Variants in SEPTIN11 observed in about 807,000 individuals in gnomAD.
SEPTIN11 encodes septin 11.
In SEPTIN11, 25 loss-of-function variants were observed where a neutral mutation model predicts 51.4. The observed-to-expected ratio is 0.49, with a 90% confidence interval of 0.35 to 0.68. The LOEUF is 0.68. Ranked by LOEUF, SEPTIN11 falls within the 30% of genes least tolerant of loss-of-function variation. The pLI, the probability that SEPTIN11 is intolerant of heterozygous loss-of-function variation, is 0.00. For missense variants in SEPTIN11, 381 were observed against 520.8 expected (o/e 0.73, Z 2.61); for synonymous variants, 174 against 184.1 (o/e 0.95, Z 0.44).
At chr4:77,003,178 CTG>C (rs143144057) in intron 2 of SEPTIN11, among the ~76,000 whole-genome samples, 2 of 152,250 alleles carry the variant, frequency 1.3e-5, no homozygotes, top group South Asian at 2.1e-4. Flanking sequence ...AAGAGAAAAA[CTG>C]TGATTAGATA....
At chr4:77,039,394 T>G (rs751605371), downstream of SEPTIN11, 30 of 1,065,832 alleles carry the variant, frequency 2.8e-5, no homozygotes, top group Non-Finnish European at 3.2e-5. Context: ...GGGATCCCCT[T>G]GCTTAGAACT....
chr4:76,997,120 A>G (rs1049861437), intron 2 of SEPTIN11, among the ~76,000 whole-genome samples: 2 of 152,118 alleles, frequency 1.3e-5, no homozygotes, highest in Non-Finnish European at 1.5e-5. Context: ...TCAAAATATA[A>G]ATTTCCTGTT....
intron 2 of SEPTIN11, 62 bp downstream of exon 2, chr4:76,996,601 G>A: frequency 7.0e-6 from 8 of 1,140,154 alleles, no homozygotes; most frequent in Non-Finnish European, 9.3e-6. Flanking sequence ...GGTAACTGTC[G>A]GAGAGACATG....
At chr4:76,989,206 G>A (rs938162728) in intron 1 of SEPTIN11, among the ~76,000 whole-genome samples, 4 of 152,040 alleles carry the variant, frequency 2.6e-5, no homozygotes, top group Non-Finnish European at 4.4e-5. Context: ...AATCTGAGGC[G>A]TTGAGAAAAA....
chr4:76,989,173 A>C (rs1214064069), intron 1 of SEPTIN11, among the ~76,000 whole-genome samples: 1 of 152,220 alleles, frequency 6.6e-6, no homozygotes, highest in Non-Finnish European at 1.5e-5. Flanking sequence ...AGTGACTTGG[A>C]TCAGTATACT....
intron 3 of SEPTIN11, chr4:77,010,102 C>G (rs1428988843): frequency 1.3e-5 from 2 of 151,966 alleles, no homozygotes; most frequent in African/African-American, 4.8e-5. Context: ...ATGTGCCAGC[C>G]CTTTACATGT....
downstream of SEPTIN11, chr4:77,038,705 A>G (rs905284146): frequency 1.0e-5 from 10 of 966,650 alleles, no homozygotes; most frequent in Middle Eastern, 9.7e-4. Context: ...TAGGGATAAG[A>G]GTCTCATGCT....
intron 1 of SEPTIN11, among the ~76,000 whole-genome samples, chr4:76,992,082 G>A (rs1194808006): frequency 1.3e-5 from 2 of 152,192 alleles, no homozygotes; most frequent in African/African-American, 4.8e-5. Flanking sequence ...AATCAATTAA[G>A]GTCTTATAGT....
Position 77,020,683 on chromosome 4 carries a change from C to G in SEPTIN11, c.953+13C>G, listed in dbSNP as rs367551425. 6.2e-7 allele frequency: 1 copy of G among 1,611,698 alleles called. No individual in the cohort carries two copies. The highest frequency in any genetic ancestry group is 8.5e-7 in the Non-Finnish European group (1 of 1,178,540). ...GCAAACCCTTCAGGTATGAAGGCATCTAGCAATCAGGTGTCTCCCAGACAG... is the reference window on the plus strand; with the variant it reads ...GCAAACCCTTCAGGTATGAAGGCATGTAGCAATCAGGTGTCTCCCAGACAG... On this transcript the variant is annotated intron_variant, in intron 7 of 9. Transcript: ENST00000264893.
chr4:77,012,028 A>C, intron 4 of SEPTIN11, 107 bp downstream of exon 4: 2 of 932,524 alleles, frequency 2.1e-6, no homozygotes, highest in Non-Finnish European at 3.2e-6. Flanking sequence ...TTCCTGGATT[A>C]CAGGAACAGT....
intron 1 of SEPTIN11, among the ~76,000 whole-genome samples, chr4:76,961,715 A>G (rs777222422): frequency 2.0e-4 from 30 of 152,190 alleles, no homozygotes; most frequent in Non-Finnish European, 4.1e-4. Context: ...GAAAAATAGA[A>G]TGGTTGTATA....
chr4:77,028,685 A>C lies in SEPTIN11; in HGVS notation c.1010A>C (p.Lys337Thr). Residue 337 changes from lysine (K) to threonine (T), a missense_variant, in exon 8 of 10, where the codon AAA becomes ACA. Physicochemically the swap from Lys to Thr is moderately conservative, Grantham distance 78 (BLOSUM62 -1). Coordinates refer to ENST00000264893, the MANE Select transcript of SEPTIN11 (RefSeq NM_018243.4). ...GAATTCCTGGGAGAACTGCAGAAGAAAGAAGAAGAAATGAGACAAATGTTT... is the reference window on the plus strand; with the variant it reads ...GAATTCCTGGGAGAACTGCAGAAGACAGAAGAAGAAATGAGACAAATGTTT... Reference protein sequence around the residue: ...RNEFLGELQKKEEEMRQMFVM... With the variant: ...RNEFLGELQKTEEEMRQMFVM... 6.2e-7 allele frequency: 1 copy of C among 1,613,808 alleles called. No homozygotes were observed. The highest frequency in any genetic ancestry group is 8.5e-7 in the Non-Finnish European group (1 of 1,179,832).
chr4:76,974,082 T>A (rs937604220), intron 1 of SEPTIN11, among the ~76,000 whole-genome samples: 2 of 152,174 alleles, frequency 1.3e-5, no homozygotes, highest in Non-Finnish European at 2.9e-5. Flanking sequence ...GGATCTATGC[T>A]TTTCCAGCAA....
rs1235467440 is a variant in SEPTIN11 at position 77,028,670 on chromosome 4, G to A, written c.995G>A (p.Gly332Glu). Residue 332 changes from glycine to glutamate, a missense_variant, in exon 8 of 10, where the codon GGA (glycine) becomes GAA (glutamate). Physicochemically the swap from Gly to Glu is moderately conservative, Grantham distance 98. Around this residue, in one of 2 missense-constraint regions of SEPTIN11, gnomAD observed 197 missense variants for 313.1 expected, o/e 0.63. Coordinates refer to ENST00000264893, the MANE Select transcript of SEPTIN11 (RefSeq NM_018243.4). ...TYEAKRNEFL[G>E]ELQKKEEEMR... ...GAAGCAAAAAGGAATGAATTCCTGGGAGAACTGCAGAAGAAAGAAGAAGAA... is the reference window on the plus strand; with the variant it reads ...GAAGCAAAAAGGAATGAATTCCTGGAAGAACTGCAGAAGAAAGAAGAAGAA... 7 of 1,613,102 alleles carry A rather than the reference G, an allele frequency of 4.3e-6. No homozygotes were observed. The highest frequency in any genetic ancestry group is 2.2e-5 in the East Asian group (1 of 44,824).
intron 1 of SEPTIN11, among the ~76,000 whole-genome samples, chr4:76,981,380 A>G (rs749871694): frequency 2.0e-5 from 3 of 152,242 alleles, no homozygotes; most frequent in Non-Finnish European, 4.4e-5. Flanking sequence ...TAACTGATCA[A>G]GACAAGAAAG....
chr4:76,961,312 A>T (rs989617719), intron 1 of SEPTIN11, among the ~76,000 whole-genome samples: 3 of 152,146 alleles, frequency 2.0e-5, no homozygotes, highest in Non-Finnish European at 4.4e-5. Context: ...GCGAGGATAA[A>T]AAGGGCACAC....
At chr4:76,996,992 G>A (rs1723773911) in intron 2 of SEPTIN11, among the ~76,000 whole-genome samples, 2 of 150,296 alleles carry the variant, frequency 1.3e-5, no homozygotes, top group Non-Finnish European at 1.5e-5. Flanking sequence ...CAATTCTCCT[G>A]CCTCAGCCTC....
Position 77,036,274 on chromosome 4 carries a change from CT to C in SEPTIN11, c.*1766del. 1 of 1,008,684 alleles carries C rather than the reference CT, an allele frequency of 9.9e-7. No individual in the cohort carries two copies. The highest frequency in any genetic ancestry group is 1.2e-6 in the Non-Finnish European group (1 of 844,730). 62.5% of individuals were successfully genotyped at this position (1,008,684 alleles called of 1,614,324 possible). Reference sequence around the variant, plus strand: ...TACTGGACCAACATTCTTGTTTTTGCTTTTGTTTTTTTAAATAATTCTAGTC... The same window carrying C: ...TACTGGACCAACATTCTTGTTTTTGCTTTGTTTTTTTAAATAATTCTAGTC... On this transcript the variant is annotated 3_prime_UTR_variant, in exon 10 of 10. Transcript: ENST00000264893.
intron 3 of SEPTIN11, among the ~76,000 whole-genome samples, chr4:77,009,548 G>A (rs1724716962): frequency 6.6e-6 from 1 of 152,188 alleles, no homozygotes; most frequent in South Asian, 2.1e-4. Context: ...ACAGGTAGAA[G>A]GAAGCCTGAG....
Sources: gnomAD v4.1 joint callset for allele counts (sites outside exome capture counted in the v4.1 genomes callset) on GRCh38, gnomAD v4.1.1 for gene constraint, gnomAD v4.1.1 regional missense constraint, MANE v1.5 for transcripts, NCBI Gene and HGNC (gene_info 2026-07-23, HGNC 2026-07-21) for gene names.